THRB: variants seen among roughly 807,000 people sequenced by gnomAD.
THRB encodes the protein nuclear receptor subfamily 1 group A member 2.
THRB carries 12 observed loss-of-function variants against 47.8 expected under a neutral mutation model. That is an observed-to-expected ratio of 0.25 (90% CI 0.16 to 0.41). THRB has a LOEUF of 0.41. Ranked by LOEUF, THRB falls within the 10% of genes least tolerant of loss-of-function variation. The pLI is 1.00. For synonymous variants in THRB, 218 were observed against 212.2 expected, an observed-to-expected ratio of 1.03 and a Z score of -0.24; for missense variants, 348 against 589.2, an observed-to-expected ratio of 0.59 and a Z score of 4.24.
chr3:24,202,713 C>G (rs1033130300), intron 4 of THRB, among the ~76,000 whole-genome samples: 1 of 152,280 alleles, frequency 6.6e-6, no homozygotes, highest in East Asian at 1.9e-4. Context: ...TTTACTGTTT[C>G]ATTTACTCAC....
At chr3:24,259,522 G>A (rs1249264902) in intron 3 of THRB, among the ~76,000 whole-genome samples, 3 of 151,774 alleles carry the variant, frequency 2.0e-5, no homozygotes, top group Non-Finnish European at 4.4e-5. Context: ...GTTTTGAAGG[G>A]TCAGAAAGAA....
intron 3 of THRB, among the ~76,000 whole-genome samples, chr3:24,292,908 G>A (rs912520954): frequency 6.6e-6 from 1 of 151,274 alleles, no homozygotes; most frequent in African/African-American, 2.4e-5. Context: ...GCATTTCAAT[G>A]AAAAAAAACA....
At chr3:24,293,414 C>T (rs1209488759) in intron 3 of THRB, among the ~76,000 whole-genome samples, 2 of 152,146 alleles carry the variant, frequency 1.3e-5, no homozygotes, top group African/African-American at 2.4e-5. Flanking sequence ...AACTCTAGCT[C>T]ATTATGGTAA....
intron 1 of THRB, among the ~76,000 whole-genome samples, chr3:24,386,619 C>T (rs947981933): frequency 1.2e-4 from 19 of 152,138 alleles, no homozygotes; most frequent in African/African-American, 4.6e-4. Context: ...AAAACATCAT[C>T]ATACCTTGGC....
intron 1 of THRB, among the ~76,000 whole-genome samples, chr3:24,464,946 A>T (rs1577770764): frequency 6.6e-6 from 1 of 152,304 alleles, no homozygotes; most frequent in East Asian, 1.9e-4. Context: ...CCCACAAAAA[A>T]TAGTTACTAT....
intron 1 of THRB, among the ~76,000 whole-genome samples, chr3:24,366,364 C>T (rs2064456752): frequency 6.6e-6 from 1 of 152,160 alleles, no homozygotes; most frequent in African/African-American, 2.4e-5. Context: ...TCTTCTACTT[C>T]ATCGTTACCC....
chr3:24,175,113 A>C (rs557213442), intron 5 of THRB, among the ~76,000 whole-genome samples: 16 of 152,312 alleles, frequency 1.1e-4, no homozygotes, highest in Admixed American at 9.2e-4. Flanking sequence ...GAAAATTACT[A>C]AACAATCTTT....
At chr3:24,463,133 A>G (rs2073842101) in intron 1 of THRB, among the ~76,000 whole-genome samples, 1 of 152,250 alleles carries the variant, frequency 6.6e-6, no homozygotes, top group African/African-American at 2.4e-5. Context: ...AGGGAGAAGG[A>G]AGAAATATCT....
intron 3 of THRB, among the ~76,000 whole-genome samples, chr3:24,281,171 T>C (rs892724163): frequency 1.3e-5 from 2 of 151,972 alleles, no homozygotes; most frequent in African/African-American, 4.8e-5. Flanking sequence ...GAAAAAATGT[T>C]AAGGGCAGCC....
chr3:24,334,368 T>A (rs2062104986), intron 2 of THRB, among the ~76,000 whole-genome samples: 1 of 152,100 alleles, frequency 6.6e-6, no homozygotes, highest in Non-Finnish European at 1.5e-5. Context: ...AGCAGTCAGA[T>A]GAGTAGGAGC....
chr3:24,189,793 A>C (rs2043097486), intron 5 of THRB, among the ~76,000 whole-genome samples: 1 of 152,258 alleles, frequency 6.6e-6, no homozygotes, highest in South Asian at 2.1e-4. Context: ...ATTAAAGCCA[A>C]AACTTACAAC....
chr3:24,260,995 C>T (rs188055411), intron 3 of THRB, among the ~76,000 whole-genome samples: 1 of 152,292 alleles, frequency 6.6e-6, no homozygotes, highest in Admixed American at 6.5e-5. Context: ...ATTAGCATTT[C>T]TAATAATTCC....
Position 24,143,646 on chromosome 3 carries a change from T to C in THRB, c.593A>G (p.Lys198Arg), listed in dbSNP as rs796406526. 16 of 1,614,182 alleles carry C rather than the reference T, an allele frequency of 9.9e-6. No homozygotes were observed. Among genetic ancestry groups the C allele is most frequent in the Non-Finnish European group, 1.4e-5 (16 of 1,180,022 alleles). Reference sequence around the variant, plus strand: ...CTTCTGCAGCTCTTCCCGCCGTCTTTTCTCCCGGTTCTCCTCTATCAGCTT... The same window carrying C: ...CTTCTGCAGCTCTTCCCGCCGTCTTCTCTCCCGGTTCTCCTCTATCAGCTT... ...KRKLIEENRE[K>R]RRREELQKSI... is the part of the protein sequence containing the mutation. Residue 198 changes from lysine (K) to arginine (R), a missense_variant, in exon 8 of 11, where the codon AAA (lysine) becomes AGA (arginine). By Grantham distance (26) the Lys-to-Arg change is conservative (BLOSUM62 2). Coordinates refer to ENST00000646209, the MANE Select transcript of THRB (RefSeq NM_001354712.2).
intron 1 of THRB, among the ~76,000 whole-genome samples, chr3:24,390,600 G>A (rs879599580): frequency 1.3e-5 from 2 of 151,802 alleles, no homozygotes; most frequent in Non-Finnish European, 2.9e-5. Context: ...TACTCTGTAT[G>A]TCTCACAAGG....
At chr3:24,371,360 T>C (rs918944705) in intron 1 of THRB, among the ~76,000 whole-genome samples, 5 of 152,124 alleles carry the variant, frequency 3.3e-5, no homozygotes, top group African/African-American at 1.2e-4. Flanking sequence ...CTATTAAACA[T>C]AACATTATGT....
At chr3:24,372,667 C>T (rs2065004352) in intron 1 of THRB, among the ~76,000 whole-genome samples, 1 of 152,014 alleles carries the variant, frequency 6.6e-6, no homozygotes, top group Admixed American at 6.6e-5. Flanking sequence ...TATCTTCTAG[C>T]CAAAGGTCTC....
chr3:24,191,251 AATAT>A (rs138175828), intron 4 of THRB, among the ~76,000 whole-genome samples: 5 of 150,138 alleles, frequency 3.3e-5, no homozygotes, highest in Non-Finnish European at 7.4e-5. Context: ...TGAGCAAGCT[AATAT>A]ATATATATAT....
chr3:24,135,847 A>ATATATATATATATATATATAAATT (rs371175625), intron 8 of THRB, among the ~76,000 whole-genome samples: 2 of 130,982 alleles, frequency 1.5e-5, no homozygotes, highest in African/African-American at 6.4e-5. Flanking sequence ...ATATATATAT[A>ATATATATATATATATATATAAATT]ATACATAAAT....
intron 1 of THRB, among the ~76,000 whole-genome samples, chr3:24,347,992 C>T (rs974923422): frequency 1.1e-4 from 17 of 151,920 alleles, no homozygotes; most frequent in African/African-American, 4.1e-4. Context: ...TTTTATGAGG[C>T]CAGCATAGTC....
Sources: gnomAD v4.1 joint callset for allele counts (sites outside exome capture counted in the v4.1 genomes callset) on GRCh38, gnomAD v4.1.1 for gene constraint, MANE v1.5 for transcripts, NCBI Gene and HGNC (gene_info 2026-07-23, HGNC 2026-07-21) for gene names.